Variants in BIRC6 observed in about 807,000 individuals in gnomAD.
BIRC6 encodes the protein dual E2 ubiquitin-conjugating enzyme/E3 ubiquitin-protein ligase BIRC6.
Under a neutral mutation model 503.3 loss-of-function variants are expected in BIRC6, and 98 were observed. The ratio of observed to expected loss-of-function variants is 0.19; its 90% CI spans 0.17 to 0.23. BIRC6 has a LOEUF of 0.23. Among genes scored for constraint, BIRC6 ranks in the 10% least tolerant of loss-of-function variants. The probability of loss-of-function intolerance (pLI) is 1.00; values close to 1 mark genes in which losing one functional copy is unlikely to be tolerated. For missense variants in BIRC6, 5,360 were observed against 5,806.0 expected (o/e 0.92, Z 2.50); for synonymous variants, 2,240 against 2,078.7 (o/e 1.08, Z -2.11).
At chr2:32,539,386 C>T (rs116041293) in intron 61 of BIRC6, among the ~76,000 whole-genome samples, 1,649 of 152,290 alleles carry the variant, frequency 0.011, 17 homozygotes, top group Middle Eastern at 0.024. Context: ...TTACCAACTA[C>T]AGGATGTACT....
chr2:32,507,667 A>G (rs1453847727), intron 50 of BIRC6, among the ~76,000 whole-genome samples: 2 of 152,196 alleles, frequency 1.3e-5, no homozygotes, highest in East Asian at 1.9e-4. Flanking sequence ...ATAATTACCT[A>G]TTTGGCTGGT....
intron 26 of BIRC6, among the ~76,000 whole-genome samples, chr2:32,466,400 A>G (rs374997518): frequency 5.9e-5 from 9 of 152,182 alleles, no homozygotes; most frequent in African/African-American, 2.2e-4. Context: ...AGAGACTGGG[A>G]TATGTCTATA....
At chr2:32,553,218 A>AAG (rs2058553789) in intron 65 of BIRC6, among the ~76,000 whole-genome samples, 1 of 144,752 alleles carries the variant, frequency 6.9e-6, no homozygotes, top group Non-Finnish European at 1.5e-5. Context: ...AAAAAAAAAA[A>AAG]AAAAAAAAAA....
chr2:32,457,888 T>G (rs1172527878), intron 23 of BIRC6, among the ~76,000 whole-genome samples: 1 of 152,138 alleles, frequency 6.6e-6, no homozygotes, highest in Admixed American at 6.5e-5. Context: ...TTTTTCACAT[T>G]TGTCTATTCT....
At chr2:32,449,085 C>G (rs2148525357) in intron 22 of BIRC6, 157 bp downstream of exon 22, 1 of 614,088 alleles carries the variant, frequency 1.6e-6, no homozygotes, top group Non-Finnish European at 2.6e-6. Context: ...CCTAGAAGTT[C>G]TTAACTTCCT....
At chr2:32,476,025 CAG>C (rs1023194745) in intron 33 of BIRC6, among the ~76,000 whole-genome samples, 186 bp from the exon 34 acceptor site, 28 of 151,876 alleles carry the variant, frequency 1.8e-4, no homozygotes, top group African/African-American at 6.8e-4. Flanking sequence ...TTAATGAAAA[CAG>C]GGAGAGATCT....
intron 73 of BIRC6, 36 bp from the exon 74 acceptor site, chr2:32,617,689 T>A: frequency 1.3e-6 from 2 of 1,594,654 alleles, no homozygotes; most frequent in South Asian, 1.1e-5. Context: ...GCTAGAGGGT[T>A]TGCAGTTCTA....
intron 64 of BIRC6, chr2:32,548,780 C>T (rs1347509197): frequency 2.6e-5 from 4 of 151,982 alleles, no homozygotes; most frequent in Non-Finnish European, 5.9e-5. Context: ...GAAACTCGGT[C>T]TCAAAAAAAT....
chr2:32,407,037 A>G (rs1355849394), intron 9 of BIRC6, among the ~76,000 whole-genome samples: 3 of 152,218 alleles, frequency 2.0e-5, no homozygotes, highest in African/African-American at 7.2e-5. Flanking sequence ...AGCTAATAGT[A>G]TGTTTCAAAA....
At chr2:32,397,574 CTG>C (rs147651911) in intron 6 of BIRC6, among the ~76,000 whole-genome samples, 58,655 of 137,636 alleles carry the variant, frequency 0.43, 12,288 homozygotes, top group East Asian at 0.63. Flanking sequence ...CCCGTAAAGG[CTG>C]TGTGTGTGTG....
chr2:32,553,197 C>CAA (rs763552918), intron 65 of BIRC6, among the ~76,000 whole-genome samples: 492 of 34,936 alleles, frequency 0.014, 104 homozygotes, highest in East Asian at 0.063. Flanking sequence ...AACTCTGTCT[C>CAA]AAAAAAAAAA....
rs1360247749 is a variant in BIRC6, at chr2:32,508,197, C to T, written c.9918C>T (p.Thr3306=). ...TATTGGGGCTCACTGCTTTTGGTAC[C>T]ACCTCTTCTGCAACAGTTAATAATC... The part of the protein sequence containing the change: ...IKLLGLTAFG[T]TSSATVNNPF... The change falls in exon 51 of 74, where the codon ACC becomes ACT. Residue 3306 remains threonine (T), a synonymous_variant. Coordinates refer to ENST00000421745, the MANE Select transcript of BIRC6 (RefSeq NM_016252.4). 6.2e-7 allele frequency: 1 copy of T among 1,612,694 alleles called. No individual in the cohort carries two copies. Among genetic ancestry groups the T allele is most frequent in the Non-Finnish European group, 8.5e-7 (1 of 1,179,666 alleles).
chr2:32,369,293 C>T (rs1306098211), intron 1 of BIRC6, among the ~76,000 whole-genome samples: 1 of 152,140 alleles, frequency 6.6e-6, no homozygotes, highest in Non-Finnish European at 1.5e-5. Flanking sequence ...CTATATTAAA[C>T]AGAAAACAGT....
chr2:32,430,532 A>G (rs1488330366), intron 11 of BIRC6, among the ~76,000 whole-genome samples: 1 of 152,134 alleles, frequency 6.6e-6, no homozygotes, highest in Non-Finnish European at 1.5e-5. Flanking sequence ...ATTGGCTTGC[A>G]CTTTAGTACC....
At chr2:32,487,576 A>C in intron 40 of BIRC6, 71 bp from the exon 41 acceptor site, 1 of 1,340,474 alleles carries the variant, frequency 7.5e-7, no homozygotes, top group African/African-American at 1.5e-5. Context: ...ACCTATTTAT[A>C]CATATGAATA....
chr2:32,596,564 T>C, intron 68 of BIRC6, among the ~76,000 whole-genome samples: 1 of 152,016 alleles, frequency 6.6e-6, no homozygotes, highest in East Asian at 1.9e-4. Context: ...TATGACCTTG[T>C]CTTAGAAAGT....
intron 29 of BIRC6, 133 bp from the exon 30 acceptor site, chr2:32,469,262 T>G (rs2048878620): frequency 2.8e-6 from 2 of 713,986 alleles, no homozygotes; most frequent in Non-Finnish European, 4.5e-6. Context: ...AAGGAGTAAA[T>G]ACATTGCAGA....
chr2:32,494,120 C>T (rs548119702), intron 45 of BIRC6, among the ~76,000 whole-genome samples: 2 of 152,060 alleles, frequency 1.3e-5, no homozygotes, highest in Non-Finnish European at 2.9e-5. Flanking sequence ...TAAATTTTGA[C>T]CATAATGGGT....
At chr2:32,481,060 GGTA>G (rs2050347207) in intron 37 of BIRC6, among the ~76,000 whole-genome samples, 1 of 152,006 alleles carries the variant, frequency 6.6e-6, no homozygotes, top group Non-Finnish European at 1.5e-5. Flanking sequence ...TAGTAATGTT[GGTA>G]ATTATTTTTA....
Sources: allele counts gnomAD v4.1 joint callset (sites outside exome capture counted in the v4.1 genomes callset), GRCh38; gene constraint gnomAD v4.1.1; transcripts MANE v1.5; gene names NCBI Gene and HGNC (gene_info 2026-07-23, HGNC 2026-07-21).